The following ENG variants were observed in gnomAD, a reference collection of about 807,000 sequenced individuals.
ENG encodes the protein CD105 antigen.
In ENG, 17 loss-of-function variants were observed where a neutral mutation model predicts 71.0. The observed-to-expected ratio is 0.24, with a 90% CI of 0.16 to 0.36. ENG has a LOEUF of 0.36. Ranked by LOEUF, ENG falls within the 10% of genes least tolerant of loss-of-function variation. The pLI is 1.00. For synonymous variants in ENG, 360 were observed against 366.9 expected (o/e 0.98, Z 0.21); for missense variants, 749 against 868.3 (o/e 0.86, Z 1.73).
In ENG at chr9:127,836,124, C is replaced by T. The variant is rs1051173047; in HGVS notation, c.220-6297G>A. On this transcript the variant is annotated intron_variant, in intron 2 of 14. Coordinates refer to ENST00000373203, the MANE Select transcript of ENG (RefSeq NM_001114753.3). The surrounding 1 kb of genome is among the most constrained non-coding windows in gnomAD (Gnocchi z 4.0). ...CCTGACTCACCGCCACGGCCACTCA[C>T]ACGCACACCGACTTCCCCCTTCTCT... is the stretch of plus-strand genomic sequence containing the variant. Among the ~76,000 whole-genome samples, 1 of 152,236 alleles carries T rather than the reference C, an allele frequency of 6.6e-6. No homozygotes were observed. Among genetic ancestry groups the T allele is most frequent in the Non-Finnish European group, 1.5e-5 (1 of 68,048 alleles).
intron 3 of ENG, among the ~76,000 whole-genome samples, chr9:127,828,093 A>T (rs1299305420): frequency 6.6e-6 from 1 of 151,958 alleles, no homozygotes; most frequent in Admixed American, 6.6e-5. Context: ...TACAGACATA[A>T]GCCAGGTCGC....
chr9:127,824,521 T>TC, intron 7 of ENG, 75 bp from the exon 8 acceptor site: 1 of 1,463,410 alleles, frequency 6.8e-7, no homozygotes, highest in East Asian at 2.5e-5. Flanking sequence ...GCTTTTTTTT[T>TC]TTTTTTTTTT....
In ENG at chr9:127,816,021, C is replaced by T. The variant is rs756003321; in HGVS notation, c.1774G>A (p.Val592Met). 8.1e-6 allele frequency: 13 copies of T among 1,610,758 alleles called. No homozygotes were observed. The highest frequency in any genetic ancestry group is 4.4e-5 in the South Asian group (4 of 90,476). The change falls in exon 14 of 15, where the codon GTG (valine) becomes ATG (methionine). Residue 592 changes from valine to methionine, a missense_variant. Physicochemically the swap from Val to Met is conservative, Grantham distance 21 (BLOSUM62 1). Transcript: ENST00000373203. Reference sequence around the variant, plus strand: ...AAGGCACCAAAGGTGATGCCCAGCACGGCGGGCAGGACGAGGCCTTTGCTT... The same window carrying T: ...AAGGCACCAAAGGTGATGCCCAGCATGGCGGGCAGGACGAGGCCTTTGCTT... ...CTSKGLVLPAVLGITFGAFLI... is the reference protein window; with the variant it reads ...CTSKGLVLPAMLGITFGAFLI...
intron 11 of ENG, 31 bp from the exon 12 acceptor site, chr9:127,818,408 G>C (rs377071866): frequency 2.7e-5 from 44 of 1,610,296 alleles, no homozygotes; most frequent in South Asian, 1.3e-4. Flanking sequence ...ACGCGGCATG[G>C]GCAGCTGCTC....
At position 127,846,874 on chromosome 9, in the gene ENG, C is replaced by T; in HGVS notation, c.68-3629G>A. 1 of 985,578 alleles carries T rather than the reference C, an allele frequency of 1.0e-6. No homozygotes were observed. The highest frequency in any genetic ancestry group is 1.2e-6 in the Non-Finnish European group (1 of 830,064). 61.1% of individuals were successfully genotyped at this position (985,578 alleles called of 1,614,324 possible). ...CCCAGAAGCCACCTCCCACCACTGTCCCCTCTCCACCCTCGCCACCCATGT... is the reference window on the plus strand; with the variant it reads ...CCCAGAAGCCACCTCCCACCACTGTTCCCTCTCCACCCTCGCCACCCATGT... On this transcript the variant is annotated intron_variant, in intron 1 of 14. Coordinates refer to ENST00000373203, the MANE Select transcript of ENG (RefSeq NM_001114753.3). This position sits in a 1 kb window ranked among gnomAD's most constrained non-coding sequence, Gnocchi z 5.5.
At chr9:127,830,889 G>A (rs958032754) in intron 2 of ENG, among the ~76,000 whole-genome samples, 2 of 151,932 alleles carry the variant, frequency 1.3e-5, no homozygotes, top group South Asian at 4.2e-4. Context: ...TTGTCTTACC[G>A]TTTTAAAGTA....
chr9:127,845,210 G>A (rs1307296515), intron 1 of ENG, among the ~76,000 whole-genome samples: 1 of 152,204 alleles, frequency 6.6e-6, no homozygotes, highest in Non-Finnish European at 1.5e-5. Flanking sequence ...AGCCAAGGCC[G>A]GCTCAGAGGA....
At position 127,817,212 on chromosome 9, in the gene ENG, G is replaced by GA. The variant is rs1743783526; in HGVS notation, c.1687-10dup. On this transcript the variant is annotated splice_polypyrimidine_tract_variant and intron_variant, in intron 12 of 14. Transcript: ENST00000373203. Reference sequence around the variant, plus strand: ...ACAGTCCTATGGACTTCCTGGAGGAGAAAGAGAGAGCAGTATGTGGCACCT... The same window carrying GA: ...ACAGTCCTATGGACTTCCTGGAGGAGAAAAGAGAGAGCAGTATGTGGCACCT... 6.2e-7 allele frequency: 1 copy of GA among 1,614,054 alleles called. No homozygotes were observed. Among genetic ancestry groups the GA allele is most frequent in the Admixed American group, 1.7e-5 (1 of 60,004 alleles).
In ENG at chr9:127,815,632, A is replaced by C; in HGVS notation, c.*50T>G. 6.5e-7 allele frequency: 1 copy of C among 1,536,666 alleles called. No homozygotes were observed. ...AGGGTGAGTTCACACCAGTGCTCCC[A>C]GCTGGCGGCTGCTCAGTCTCTCCTG... On this transcript the variant is annotated 3_prime_UTR_variant, in exon 15 of 15. Transcript: ENST00000373203.
At chr9:127,821,774 TC>T (rs1830472904) in intron 8 of ENG, among the ~76,000 whole-genome samples, 2 of 150,380 alleles carry the variant, frequency 1.3e-5, no homozygotes, top group Non-Finnish European at 3.0e-5. Context: ...TCCCAGCTAC[TC>T]GGGAGGCTGA....
rs1400521052 is a variant in ENG, at chr9:127,836,264, C to T, written c.220-6437G>A. ...TTCCGCAGTCTGGCCAGCCCCTCACCCCCAGCCCGGCCAGCCTGCGCCTAC... is the reference window on the plus strand; with the variant it reads ...TTCCGCAGTCTGGCCAGCCCCTCACTCCCAGCCCGGCCAGCCTGCGCCTAC... On this transcript the variant is annotated intron_variant, in intron 2 of 14. Transcript: ENST00000373203. The surrounding 1 kb of genome is among the most constrained non-coding windows in gnomAD (Gnocchi z 4.0). Among the ~76,000 whole-genome samples, 1 of 152,228 alleles carries T rather than the reference C, an allele frequency of 6.6e-6. No individual in the cohort carries two copies. The highest frequency in any genetic ancestry group is 1.5e-5 in the Non-Finnish European group (1 of 68,032).
At chr9:127,816,120 G>A in intron 13 of ENG, 67 bp from the exon 14 acceptor site, 20 of 1,556,692 alleles carry the variant, frequency 1.3e-5, no homozygotes, top group Non-Finnish European at 1.7e-5. Flanking sequence ...CTGTTGTGCT[G>A]GCCCATGTGG....
At chr9:127,843,755 A>ATTT (rs71380099) in intron 1 of ENG, among the ~76,000 whole-genome samples, 3 of 25,038 alleles carry the variant, frequency 1.2e-4, no homozygotes, top group Admixed American at 7.6e-4. Context: ...ATATATATAT[A>ATTT]TTTTTTTTTT....
intron 2 of ENG, among the ~76,000 whole-genome samples, chr9:127,837,810 C>CCATCCATCCATCCACATCCATCCATT (rs771035388): frequency 0.072 from 10,909 of 151,014 alleles, 663 homozygotes; most frequent in African/African-American, 0.16. Context: ...ATCCATCCAT[C>CCATCCATCCATCCACATCCATCCATT]CATCCAACAG....
chr9:127,820,986 C>T (rs975602892), intron 8 of ENG, among the ~76,000 whole-genome samples: 2 of 152,316 alleles, frequency 1.3e-5, no homozygotes, highest in Admixed American at 1.3e-4. Context: ...TACTGTCATG[C>T]ACCATGGGAC....
At chr9:127,851,556 A>C (rs1831286594) in intron 1 of ENG, among the ~76,000 whole-genome samples, 2 of 152,014 alleles carry the variant, frequency 1.3e-5, no homozygotes, top group Non-Finnish European at 2.9e-5. Context: ...AAACAAAAAA[A>C]CCCAACATGA....
chr9:127,841,304 T>A (rs1313584853), intron 2 of ENG: 3 of 151,832 alleles, frequency 2.0e-5, no homozygotes, highest in African/African-American at 7.3e-5. Flanking sequence ...CCTGGCTGGC[T>A]ATCTACACAC....
At chr9:127,826,788 C>T (rs939906581) in intron 3 of ENG, 116 bp from the exon 4 acceptor site, 68 of 1,369,792 alleles carry the variant, frequency 5.0e-5, no homozygotes, top group Admixed American at 1.2e-4. Flanking sequence ...AGAAAGAGGC[C>T]GGAGCTGAGA....
rs1299436020 is a variant in ENG, at chr9:127,815,470, G to A, written c.*212C>T. 2 of 951,984 alleles carry A rather than the reference G, an allele frequency of 2.1e-6. No homozygotes were observed. Among genetic ancestry groups the A allele is most frequent in the Non-Finnish European group, 3.0e-6 (2 of 663,230 alleles). 59.0% of individuals were successfully genotyped at this position (951,984 alleles called of 1,614,324 possible). On this transcript the variant is annotated 3_prime_UTR_variant, in exon 15 of 15. Transcript: ENST00000373203. The stretch of plus-strand genomic sequence containing the variant: ...AGCCATATCCCAGACCCACTGGGTT[G>A]AAGGTTCTGTGGGGTGGAGGGACCC...
Sources: gnomAD v4.1 joint callset for allele counts (sites outside exome capture counted in the v4.1 genomes callset) on GRCh38, gnomAD v4.1.1 for gene constraint, Gnocchi (gnomAD v3.1) non-coding constraint, MANE v1.5 for transcripts, NCBI Gene and HGNC (gene_info 2026-07-23, HGNC 2026-07-21) for gene names.